Variants in PLCG2 observed in about 807,000 individuals in gnomAD.
PLCG2 encodes phospholipase C gamma 2, also known as 1-phosphatidylinositol 4,5-bisphosphate phosphodiesterase gamma-2.
A neutral mutation model predicts 175.6 loss-of-function variants in PLCG2; 69 were observed. The observed-to-expected ratio is 0.39, with a 90% CI of 0.32 to 0.48. The LOEUF (loss-of-function observed/expected upper bound fraction) is 0.48. Among genes scored for constraint, PLCG2 ranks in the 20% least tolerant of loss-of-function variants. The pLI is 0.91. For synonymous variants in PLCG2, 827 were observed against 624.0 expected (o/e 1.33, Z -4.85); for missense variants, 1,798 against 1,650.9 (o/e 1.09, Z -1.54).
intron 2 of PLCG2, among the ~76,000 whole-genome samples, chr16:81,814,861 C>G (rs1220536658): frequency 6.6e-6 from 1 of 152,142 alleles, no homozygotes; most frequent in Non-Finnish European, 1.5e-5. Flanking sequence ...TATGATGATC[C>G]TCTCCCCATA....
chr16:81,846,708 C>G (rs79446864), intron 2 of PLCG2, among the ~76,000 whole-genome samples: 22,551 of 152,068 alleles, frequency 0.15, 2,123 homozygotes, highest in Non-Finnish European at 0.21. Context: ...TTCCTGGCTT[C>G]ATCTATAGAT....
Position 81,860,172 on chromosome 16 carries a change from A to ATTTTTT in PLCG2, c.479+1019_479+1024dup, listed in dbSNP as rs1555513300. ...TATTATTATTATTATTATTATTATT[A>ATTTTTT]TTTTTTTTTTTTTTTGTAAAGGTGA... On this transcript the variant is annotated intron_variant, in intron 5 of 32. Transcript: ENST00000564138. 6.8e-4 allele frequency among the ~76,000 whole-genome samples: 82 copies of ATTTTTT among 120,606 alleles called. 1 individual carries two copies. Among genetic ancestry groups the ATTTTTT allele is most frequent in the Non-Finnish European group, 1.1e-3 (62 of 58,754 alleles). 79.1% of individuals were successfully genotyped at this position (120,606 alleles called of 152,430 possible).
intron 32 of PLCG2, 119 bp downstream of exon 32, chr16:81,956,998 CCGGGCA>C (rs1911599073): frequency 8.5e-6 from 7 of 820,484 alleles, no homozygotes; most frequent in African/African-American, 7.7e-5. Flanking sequence ...AAATCCTTGG[CCGGGCA>C]TGGTGGCTCA....
rs1161806926 is a variant in PLCG2, at chr16:81,960,902, C to G, written c.*2904C>G. ...CCTCATCTTCCTGTTATATTCTTCT[C>G]TAAGATTCATCTGCCTGAGAAAATG... On this transcript the variant is annotated 3_prime_UTR_variant, in exon 33 of 33. Transcript: ENST00000564138. 2 of 229,344 alleles carry G rather than the reference C, an allele frequency of 8.7e-6. No homozygotes were observed. The highest frequency in any genetic ancestry group is 4.4e-5 in the African/African-American group (2 of 45,138). The allele number at this position is 229,344 out of a possible 1,614,324, so 14.2% of individuals were successfully genotyped here.
chr16:81,909,692 C>T (rs1186333701), intron 17 of PLCG2, among the ~76,000 whole-genome samples: 2 of 152,198 alleles, frequency 1.3e-5, no homozygotes, highest in Non-Finnish European at 2.9e-5. Flanking sequence ...AGGATTACAG[C>T]TGTAAGCCAT....
At chr16:81,862,055 T>A (rs1419030133) in intron 5 of PLCG2, among the ~76,000 whole-genome samples, 1 of 152,224 alleles carries the variant, frequency 6.6e-6, no homozygotes, top group South Asian at 2.1e-4. Flanking sequence ...CTGGGAAGCC[T>A]GGAGGGAGCT....
intron 31 of PLCG2, among the ~76,000 whole-genome samples, chr16:81,950,812 T>G (rs539730013): frequency 4.6e-5 from 7 of 152,338 alleles, no homozygotes; most frequent in Non-Finnish European, 8.8e-5. Flanking sequence ...AAGAGGAAAG[T>G]GCTTGCCTTA....
At chr16:81,938,467 C>T (rs536288773) in intron 28 of PLCG2, 1 of 347,830 alleles carries the variant, frequency 2.9e-6, no homozygotes, top group Non-Finnish European at 5.2e-6. Flanking sequence ...TCAGCCTTTC[C>T]TAGGGGTGTG....
chr16:81,882,512 C>G (rs1299164169), intron 8 of PLCG2, among the ~76,000 whole-genome samples: 1 of 152,112 alleles, frequency 6.6e-6, no homozygotes, highest in East Asian at 1.9e-4. Context: ...AACACCAGCT[C>G]TCCCTCTACG....
intron 18 of PLCG2, among the ~76,000 whole-genome samples, chr16:81,911,634 C>T (rs531550365): frequency 1.3e-4 from 19 of 147,482 alleles, no homozygotes; most frequent in South Asian, 4.3e-4. Context: ...ATTTTGAGAC[C>T]GGGTCTCGCT....
chr16:81,843,562 G>C (rs922669234), intron 2 of PLCG2, among the ~76,000 whole-genome samples: 2 of 152,154 alleles, frequency 1.3e-5, no homozygotes, highest in Non-Finnish European at 1.5e-5. Context: ...TATTTTTCGC[G>C]TGAATACAAA....
intron 9 of PLCG2, among the ~76,000 whole-genome samples, chr16:81,883,848 G>C (rs558429808): frequency 9.2e-5 from 14 of 152,350 alleles, no homozygotes; most frequent in African/African-American, 3.4e-4. Context: ...TGTGGGCTCT[G>C]AGCCCAGCTA....
chr16:81,743,696 C>T (rs555446452), intron 1 of PLCG2, among the ~76,000 whole-genome samples: 1 of 152,258 alleles, frequency 6.6e-6, no homozygotes, highest in East Asian at 1.9e-4. Context: ...ATGCAGGGCT[C>T]CTGTGGGAGA....
At chr16:81,841,008 G>T (rs562445993) in intron 2 of PLCG2, among the ~76,000 whole-genome samples, 1 of 152,272 alleles carries the variant, frequency 6.6e-6, no homozygotes, top group African/African-American at 2.4e-5. Context: ...GAATAGTTCT[G>T]CATGAATATG....
intron 19 of PLCG2, 144 bp downstream of exon 19, chr16:81,912,860 A>G: frequency 9.4e-7 from 1 of 1,059,452 alleles, no homozygotes; most frequent in Non-Finnish European, 1.3e-6. Context: ...CACCACAGCA[A>G]AAGCCGCTGC....
At chr16:81,885,721 T>G (rs1347195670) in intron 9 of PLCG2, among the ~76,000 whole-genome samples, 1 of 152,206 alleles carries the variant, frequency 6.6e-6, no homozygotes, top group Non-Finnish European at 1.5e-5. Flanking sequence ...GCATTTGGAT[T>G]TCATTGATGG....
At chr16:81,794,429 A>C (rs62044064) in intron 2 of PLCG2, among the ~76,000 whole-genome samples, 60,511 of 152,094 alleles carry the variant, frequency 0.4, 12,308 homozygotes, top group South Asian at 0.51. Context: ...AAGCCCCTGC[A>C]ATGAAGCGTC....
intron 30 of PLCG2, among the ~76,000 whole-genome samples, chr16:81,941,192 C>A (rs932879442): frequency 5.3e-5 from 8 of 152,220 alleles, no homozygotes; most frequent in Non-Finnish European, 8.8e-5. Context: ...ATTTCTGCTA[C>A]TGGGCAGGAG....
intron 2 of PLCG2, among the ~76,000 whole-genome samples, chr16:81,837,936 T>C (rs1258650118): frequency 1.3e-5 from 2 of 152,176 alleles, no homozygotes; most frequent in African/African-American, 4.8e-5. Flanking sequence ...TTCCTTGTAC[T>C]TGTGTGTATT....
Sources: gnomAD v4.1 joint callset for allele counts (sites outside exome capture counted in the v4.1 genomes callset) on GRCh38, gnomAD v4.1.1 for gene constraint, MANE v1.5 for transcripts, NCBI Gene and HGNC (gene_info 2026-07-23, HGNC 2026-07-21) for gene names.